The following PRKAR2A variants were observed in gnomAD, a reference collection of about 807,000 sequenced individuals.
PRKAR2A encodes the protein protein kinase cAMP-dependent type II regulatory subunit alpha.
A neutral mutation model predicts 51.9 loss-of-function variants in PRKAR2A; 29 were observed. That is an observed-to-expected ratio of 0.56 (90% CI 0.42 to 0.76). The LOEUF is 0.76. Among genes scored for constraint, PRKAR2A ranks in the 30% least tolerant of loss-of-function variants. The pLI is 0.00. For synonymous variants in PRKAR2A, 178 were observed against 186.2 expected, an observed-to-expected ratio of 0.96 and a Z score of 0.36; for missense variants, 445 against 512.1, an observed-to-expected ratio of 0.87 and a Z score of 1.26.
At chr3:48,761,068 G>A (rs1471236188) in intron 8 of PRKAR2A, among the ~76,000 whole-genome samples, 1 of 152,054 alleles carries the variant, frequency 6.6e-6, no homozygotes, top group Non-Finnish European at 1.5e-5. Context: ...AGGATCACGA[G>A]GTCAGGAGAC....
chr3:48,790,723 A>G (rs1221737121), intron 3 of PRKAR2A, 96 bp from the exon 4 acceptor site: 1 of 709,630 alleles, frequency 1.4e-6, no homozygotes, highest in Non-Finnish European at 2.1e-6. Context: ...AGTGGGAAAA[A>G]TAAAGAGCAT....
intron 3 of PRKAR2A, among the ~76,000 whole-genome samples, chr3:48,791,285 T>TA (rs35380085): frequency 0.064 from 2,801 of 43,750 alleles, 304 homozygotes; most frequent in Non-Finnish European, 0.086. Context: ...GATTCCATCT[T>TA]AAAAAAAAAA....
intron 8 of PRKAR2A, among the ~76,000 whole-genome samples, chr3:48,760,231 C>A (rs2081843053): frequency 6.6e-6 from 1 of 152,098 alleles, no homozygotes; most frequent in African/African-American, 2.4e-5. Flanking sequence ...GTGATGCATG[C>A]CTGTAGTTCC....
chr3:48,745,527 G>GTTTTTTTTTTTT (rs34668049), downstream of PRKAR2A, among the ~76,000 whole-genome samples: 1 of 70,422 alleles, frequency 1.4e-5, no homozygotes, highest in Non-Finnish European at 2.5e-5. Context: ...TTTGGATAAG[G>GTTTTTTTTTTTT]TTTTTTTTTT....
chr3:48,782,583 G>T (rs1052449502), intron 5 of PRKAR2A, among the ~76,000 whole-genome samples: 2 of 152,070 alleles, frequency 1.3e-5, no homozygotes, highest in Non-Finnish European at 2.9e-5. Flanking sequence ...AGCCTCCCAA[G>T]CAGCTGGGAT....
rs574274824 is a variant in PRKAR2A, at chr3:48,776,595, C to G, written c.543-3487G>C. Among the ~76,000 whole-genome samples the G allele has an allele frequency of 3.3e-5, 5 of 152,108 alleles. No homozygotes were observed. In the South Asian group the frequency reaches 1.0e-3, roughly 32 times the overall value. Reference sequence around the variant, plus strand: ...CAGTGGCTCACCTGTAGTCCCAGCACTTTGGGAGGCTGAGGCAGACAGATC... The same window carrying G: ...CAGTGGCTCACCTGTAGTCCCAGCAGTTTGGGAGGCTGAGGCAGACAGATC... On this transcript the variant is annotated intron_variant, in intron 5 of 10. Transcript: ENST00000265563.
At chr3:48,771,956 T>A in intron 6 of PRKAR2A, among the ~76,000 whole-genome samples, 1 of 152,152 alleles carries the variant, frequency 6.6e-6, no homozygotes, top group Middle Eastern at 3.2e-3. Flanking sequence ...GTTTTTGAGA[T>A]GGAGTTTTGC....
At chr3:48,777,958 C>A (rs1200148383) in intron 5 of PRKAR2A, among the ~76,000 whole-genome samples, 2 of 152,156 alleles carry the variant, frequency 1.3e-5, no homozygotes, top group African/African-American at 4.8e-5. Flanking sequence ...TTGGAAGTGA[C>A]ATGAACTCAT....
Position 48,765,051 on chromosome 3 carries a change from C to G in PRKAR2A, c.826G>C (p.Val276Leu). The G allele has an allele frequency of 6.2e-7, 1 of 1,614,182 alleles. No individual in the cohort carries two copies. Among genetic ancestry groups the G allele is most frequent in the Non-Finnish European group, 8.5e-7 (1 of 1,179,992 alleles). Reference protein sequence around the residue: ...EVSERMKIVDVIGEKIYKDGE... With the variant: ...EVSERMKIVDLIGEKIYKDGE... ...TCCTTATAGATCTTCTCTCCTATTACATCCACAATCTTCATTCGTTCTGAC... is the reference window on the plus strand; with the variant it reads ...TCCTTATAGATCTTCTCTCCTATTAGATCCACAATCTTCATTCGTTCTGAC... Residue 276 changes from valine to leucine, a missense_variant, in exon 8 of 11, where the codon GTA becomes CTA. By Grantham distance (32) the Val-to-Leu change is conservative. Transcript: ENST00000265563.
At chr3:48,812,249 T>C (rs1262662345) in intron 1 of PRKAR2A, among the ~76,000 whole-genome samples, 1 of 152,040 alleles carries the variant, frequency 6.6e-6, no homozygotes, top group Admixed American at 6.6e-5. Context: ...AACTAGGACA[T>C]TTTTCATTCA....
At chr3:48,846,107 A>T (rs2083457244) in intron 1 of PRKAR2A, among the ~76,000 whole-genome samples, 2 of 152,138 alleles carry the variant, frequency 1.3e-5, no homozygotes, top group Non-Finnish European at 2.9e-5. Context: ...CTGACACAGC[A>T]AGTAGAGCCA....
intron 5 of PRKAR2A, among the ~76,000 whole-genome samples, chr3:48,781,647 G>A (rs2107284457): frequency 6.6e-6 from 1 of 152,154 alleles, no homozygotes; most frequent in East Asian, 1.9e-4. Context: ...CGAGTAGCTG[G>A]GACTACAGGC....
intron 6 of PRKAR2A, among the ~76,000 whole-genome samples, chr3:48,766,228 T>C (rs1480774470): frequency 2.6e-5 from 4 of 151,044 alleles, no homozygotes; most frequent in African/African-American, 9.8e-5. Flanking sequence ...AAAACAACAA[T>C]ATCAACAACA....
At chr3:48,784,578 G>A (rs2082256497) in intron 4 of PRKAR2A, among the ~76,000 whole-genome samples, 1 of 152,140 alleles carries the variant, frequency 6.6e-6, no homozygotes, top group Non-Finnish European at 1.5e-5. Context: ...GCTGGAAGCC[G>A]CTTGTTCTGA....
chr3:48,809,735 T>C (rs1394666252), intron 1 of PRKAR2A, among the ~76,000 whole-genome samples: 1 of 152,046 alleles, frequency 6.6e-6, no homozygotes, highest in Non-Finnish European at 1.5e-5. Flanking sequence ...ATGGATCTCA[T>C]TCAATCTATA....
chr3:48,792,606 C>T (rs1250172510), intron 3 of PRKAR2A, among the ~76,000 whole-genome samples: 16 of 150,928 alleles, frequency 1.1e-4, no homozygotes, highest in Non-Finnish European at 1.6e-4. Flanking sequence ...GGATTACAGG[C>T]GCCTGCCACC....
chr3:48,813,805 C>T (rs2082823112), intron 1 of PRKAR2A, among the ~76,000 whole-genome samples: 1 of 151,984 alleles, frequency 6.6e-6, no homozygotes, highest in African/African-American at 2.4e-5. Flanking sequence ...GTTAAAGATC[C>T]TAAGTAAAGC....
intron 1 of PRKAR2A, among the ~76,000 whole-genome samples, chr3:48,828,602 G>C (rs1412672311): frequency 6.7e-6 from 1 of 149,894 alleles, no homozygotes; most frequent in Non-Finnish European, 1.5e-5. Context: ...AGCGCCTCTG[G>C]TCCCAGCTAC....
At chr3:48,790,338 G>C (rs775082289) in intron 4 of PRKAR2A, among the ~76,000 whole-genome samples, 1 of 152,144 alleles carries the variant, frequency 6.6e-6, no homozygotes, top group African/African-American at 2.4e-5. Flanking sequence ...CCAAGGATAA[G>C]GGGGACTACC....
Sources: gnomAD v4.1 joint callset for allele counts (sites outside exome capture counted in the v4.1 genomes callset) on GRCh38, gnomAD v4.1.1 for gene constraint, MANE v1.5 for transcripts, NCBI Gene and HGNC (gene_info 2026-07-23, HGNC 2026-07-21) for gene names.